HIVEP3: variants seen among roughly 807,000 people sequenced by gnomAD.
HIVEP3 encodes transcription factor HIVEP3.
A neutral mutation model predicts 152.8 loss-of-function variants in HIVEP3; 49 were observed. The ratio of observed to expected loss-of-function variants is 0.32; its 90% CI spans 0.26 to 0.41. The LOEUF is 0.41. Among genes scored for constraint, HIVEP3 ranks in the 10% least tolerant of loss-of-function variants. The probability of loss-of-function intolerance (pLI) is 1.00; values close to 1 mark genes in which losing one functional copy is unlikely to be tolerated. For missense variants in HIVEP3, 2,790 were observed against 3,103.3 expected, an observed-to-expected ratio of 0.90 and a Z score of 2.40; for synonymous variants, 1,269 against 1,289.0, an observed-to-expected ratio of 0.98 and a Z score of 0.33.
At chr1:41,779,624 T>C (rs890692456) in intron 1 of HIVEP3, among the ~76,000 whole-genome samples, 1 of 152,236 alleles carries the variant, frequency 6.6e-6, no homozygotes, top group Non-Finnish European at 1.5e-5. Context: ...GCCTCCCGAA[T>C]AGCTGGGATT....
chr1:41,882,114 C>A (rs1326339689), intron 1 of HIVEP3, among the ~76,000 whole-genome samples: 1 of 152,160 alleles, frequency 6.6e-6, no homozygotes, highest in East Asian at 1.9e-4. Flanking sequence ...ACTCCCAAAC[C>A]ACACAATGTA....
intron 1 of HIVEP3, among the ~76,000 whole-genome samples, chr1:41,969,035 A>G (rs547049292): frequency 2.6e-5 from 4 of 152,326 alleles, no homozygotes; most frequent in Admixed American, 2.0e-4. Flanking sequence ...GAGAACTACA[A>G]ACTACTGCTC....
intron 2 of HIVEP3, among the ~76,000 whole-genome samples, chr1:41,686,133 G>A (rs2124099549): frequency 6.6e-6 from 1 of 152,210 alleles, no homozygotes; most frequent in Non-Finnish European, 1.5e-5. Context: ...GTGCAGTGGT[G>A]CAATCTCAGC....
intron 1 of HIVEP3, among the ~76,000 whole-genome samples, chr1:41,839,777 C>T (rs984400522): frequency 1.3e-5 from 2 of 152,328 alleles, no homozygotes; most frequent in South Asian, 4.1e-4. Flanking sequence ...AGGAGGGAAA[C>T]AGAGTAACGG....
At chr1:41,674,057 C>T (rs528340484) in intron 2 of HIVEP3, among the ~76,000 whole-genome samples, 114 of 152,266 alleles carry the variant, frequency 7.5e-4, no homozygotes, top group Non-Finnish European at 1.3e-3. Context: ...CTAAACCCAG[C>T]TGGCTGGGGC....
chr1:41,850,497 C>T (rs563547322), intron 1 of HIVEP3, among the ~76,000 whole-genome samples: 1 of 152,208 alleles, frequency 6.6e-6, no homozygotes, highest in Non-Finnish European at 1.5e-5. Flanking sequence ...GAACCCAAAC[C>T]AGGAACCCCA....
intron 2 of HIVEP3, among the ~76,000 whole-genome samples, chr1:41,690,215 G>A (rs191102057): frequency 3.3e-5 from 5 of 152,358 alleles, no homozygotes; most frequent in Admixed American, 1.3e-4. Context: ...GAGGAATCAG[G>A]TGTTGGGAGG....
At chr1:42,001,787 C>G (rs1215843410) in intron 1 of HIVEP3, among the ~76,000 whole-genome samples, 1 of 152,100 alleles carries the variant, frequency 6.6e-6, no homozygotes. Context: ...ATATTTTGTA[C>G]TACTTGATAA....
At chr1:41,587,816 C>T (rs1035403545) in intron 3 of HIVEP3, among the ~76,000 whole-genome samples, 1 of 152,162 alleles carries the variant, frequency 6.6e-6, no homozygotes, top group African/African-American at 2.4e-5. Flanking sequence ...CTGTCTCCCA[C>T]CTCAATTAAT....
chr1:41,983,840 C>G (rs1029070072), intron 1 of HIVEP3, among the ~76,000 whole-genome samples: 2 of 152,130 alleles, frequency 1.3e-5, no homozygotes, highest in Non-Finnish European at 2.9e-5. Flanking sequence ...TGGAAGGCTC[C>G]GTCTGCTACC....
intron 5 of HIVEP3, among the ~76,000 whole-genome samples, chr1:41,546,722 T>C (rs1266625634): frequency 6.6e-6 from 1 of 152,230 alleles, no homozygotes; most frequent in Non-Finnish European, 1.5e-5. Context: ...ACTCACTCCT[T>C]ACATGCCTCC....
At chr1:41,748,396 C>A (rs1647104929) in intron 1 of HIVEP3, among the ~76,000 whole-genome samples, 1 of 152,144 alleles carries the variant, frequency 6.6e-6, no homozygotes, top group South Asian at 2.1e-4. Flanking sequence ...CTGTTCATGA[C>A]CATGGAGAGG....
At chr1:41,683,136 G>C (rs569138638) in intron 2 of HIVEP3, among the ~76,000 whole-genome samples, 53 of 152,320 alleles carry the variant, frequency 3.5e-4, no homozygotes, top group Non-Finnish European at 6.6e-4. Flanking sequence ...CAAGTGGTGG[G>C]GCTGAAGCCC....
chr1:41,721,743 G>A (rs2124168958), intron 1 of HIVEP3, among the ~76,000 whole-genome samples: 1 of 152,330 alleles, frequency 6.6e-6, no homozygotes, highest in African/African-American at 2.4e-5. Flanking sequence ...GAGGGGTTGA[G>A]TCATGGACTC....
intron 5 of HIVEP3, among the ~76,000 whole-genome samples, chr1:41,567,092 T>G (rs1005832764): frequency 1.3e-5 from 2 of 152,078 alleles, no homozygotes; most frequent in Non-Finnish European, 2.9e-5. Flanking sequence ...GTCCAACAAG[T>G]TTTGATCTCC....
At chr1:41,798,829 T>C (rs1011272986) in intron 1 of HIVEP3, among the ~76,000 whole-genome samples, 7 of 152,216 alleles carry the variant, frequency 4.6e-5, no homozygotes, top group Non-Finnish European at 1.0e-4. Flanking sequence ...TTCTAGTGGA[T>C]TTACAACCCA....
chr1:41,706,167 T>C (rs903755813), intron 1 of HIVEP3, among the ~76,000 whole-genome samples: 16 of 152,358 alleles, frequency 1.1e-4, no homozygotes, highest in African/African-American at 3.8e-4. Context: ...TGCCCAAGTG[T>C]GAACATAGTA....
At chr1:41,970,680 C>T (rs1418749909) in intron 1 of HIVEP3, among the ~76,000 whole-genome samples, 3 of 152,108 alleles carry the variant, frequency 2.0e-5, no homozygotes, top group Admixed American at 2.0e-4. Flanking sequence ...TGGCACAGTA[C>T]CCCGCAATTT....
intron 1 of HIVEP3, among the ~76,000 whole-genome samples, chr1:41,765,269 T>C (rs1215084580): frequency 6.6e-6 from 1 of 152,334 alleles, no homozygotes; most frequent in East Asian, 1.9e-4. Flanking sequence ...CAGCTATTTA[T>C]AAACCCCTGT....
Sources: allele counts gnomAD v4.1 joint callset (sites outside exome capture counted in the v4.1 genomes callset), GRCh38; gene constraint gnomAD v4.1.1; transcripts MANE v1.5; gene names NCBI Gene and HGNC (gene_info 2026-07-23, HGNC 2026-07-21).